The following MAPT variants were observed in gnomAD, a reference collection of about 807,000 sequenced individuals.
MAPT encodes the protein microtubule associated protein tau, also known as microtubule-associated protein tau.
MAPT carries 34 observed loss-of-function variants against 67.9 expected under a neutral mutation model. That is an observed-to-expected ratio of 0.50 (90% confidence interval 0.38 to 0.67). The LOEUF is 0.67. MAPT is among the 30% of genes least tolerant of loss of function. MAPT has a pLI of 0.00. For synonymous variants in MAPT, 456 were observed against 464.5 expected (o/e 0.98, Z 0.23); for missense variants, 881 against 1,115.2 (o/e 0.79, Z 2.99).
At position 45,983,033 on chromosome 17, in the gene MAPT, C is replaced by T; in HGVS notation, c.454C>T (p.Pro152Ser). ...TCCCGTCCCGCTGACCGCGAGCCTT[C>T]CTCAGCACCGTCCCGTTTGCCCAGC... ...EAPVPLTASL[P>S]QHRPVCPAPP... Residue 152 changes from proline to serine, a missense_variant, in exon 5 of 13, where the codon CCT becomes TCT. Physicochemically the swap from Pro to Ser is moderately conservative, Grantham distance 74. Coordinates refer to ENST00000262410, the MANE Select transcript of MAPT (RefSeq NM_001377265.1). The T allele has an allele frequency of 6.7e-7, 1 of 1,502,550 alleles. No individual in the cohort carries two copies. The highest frequency in any genetic ancestry group is 8.9e-7 in the Non-Finnish European group (1 of 1,122,598). 93.1% of individuals were successfully genotyped at this position (1,502,550 alleles called of 1,614,324 possible).
intron 4 of MAPT, 55 bp downstream of exon 4, chr17:45,978,495 G>A: frequency 7.6e-7 from 1 of 1,320,420 alleles, no homozygotes; most frequent in Non-Finnish European, 1.1e-6. Context: ...AGGGACATGG[G>A]GTGGGCTCTG....
chr17:46,016,897 G>C (rs1158937972), intron 11 of MAPT, among the ~76,000 whole-genome samples: 1 of 152,240 alleles, frequency 6.6e-6, no homozygotes, highest in East Asian at 1.9e-4. Flanking sequence ...AACATGGCTG[G>C]TACAGTTGAG....
chr17:45,960,315 G>A (rs1183119578), intron 1 of MAPT, among the ~76,000 whole-genome samples: 1 of 152,262 alleles, frequency 6.6e-6, no homozygotes, highest in African/African-American at 2.4e-5. Context: ...GAACAGCAGA[G>A]CCGTTTTAGG....
intron 6 of MAPT, among the ~76,000 whole-genome samples, chr17:45,987,385 A>C (rs1479875235): frequency 6.6e-6 from 1 of 152,212 alleles, no homozygotes; most frequent in Non-Finnish European, 1.5e-5. Flanking sequence ...GGTGTGTTTG[A>C]AAACCAAACC....
chr17:46,002,760 C>T (rs2075108933), intron 9 of MAPT, among the ~76,000 whole-genome samples: 1 of 152,126 alleles, frequency 6.6e-6, no homozygotes, highest in Non-Finnish European at 1.5e-5. Context: ...GCCTGGGTGG[C>T]TGCTTCCTTC....
rs1479163150 is a variant in MAPT, at chr17:46,026,073, C to CT, written c.*1903dup. 9 of 130,522 alleles carry CT rather than the reference C, an allele frequency of 6.9e-5. No homozygotes were observed. Among genetic ancestry groups the CT allele is most frequent in the African/African-American group, 2.5e-4 (9 of 36,152 alleles). The allele number at this position is 130,522 out of a possible 1,614,324, so 8.1% of individuals were successfully genotyped here. On this transcript the variant is annotated 3_prime_UTR_variant, in exon 13 of 13. Transcript: ENST00000262410. ...TTTATGCTTGGATTCACCAGAGTGACTATGATAGTGAAAAGAAAAAAAAAA... is the reference window on the plus strand; with the variant it reads ...TTTATGCTTGGATTCACCAGAGTGACTTATGATAGTGAAAAGAAAAAAAAAA...
In MAPT at chr17:46,019,263, G is replaced by A. The variant is rs546909243; in HGVS notation, c.2286+533G>A. ...CCTCATGAGATTTATTCACTATCAT[G>A]AGAACAGCATGGGAAAGACCCGCCC... On this transcript the variant is annotated intron_variant, in intron 12 of 12. Coordinates refer to ENST00000262410, the MANE Select transcript of MAPT (RefSeq NM_001377265.1). 1.2e-4 allele frequency among the ~76,000 whole-genome samples: 18 copies of A among 152,030 alleles called. No individual in the cohort carries two copies. In the East Asian group the frequency reaches 2.8e-3, roughly 23 times the overall value.
At chr17:46,005,014 G>A (rs1208454638) in intron 9 of MAPT, among the ~76,000 whole-genome samples, 1 of 152,138 alleles carries the variant, frequency 6.6e-6, no homozygotes, top group Non-Finnish European at 1.5e-5. Context: ...TCAATCTCCT[G>A]ACCTCGTCAT....
At position 45,996,704 on chromosome 17, in the gene MAPT, C is replaced by G. The variant is rs150660024; in HGVS notation, c.1998+40C>G. 140 of 1,608,130 alleles carry G rather than the reference C, an allele frequency of 8.7e-5. No homozygotes were observed. The African/African-American group carries it at 1.6e-3, about 19-fold the overall frequency. On this transcript the variant is annotated intron_variant, in intron 9 of 12. Coordinates refer to ENST00000262410, the MANE Select transcript of MAPT (RefSeq NM_001377265.1). The surrounding 1 kb of genome is among the most constrained non-coding windows in gnomAD (Gnocchi z 4.5). ...CTGCGCGTGGAGGTGTGGGGGGCTG[C>G]GCCTGGAGGGGTAGGGCTGTGCCTG... is the stretch of plus-strand genomic sequence containing the variant.
chr17:45,925,874 G>T (rs2066240654), intron 1 of MAPT, among the ~76,000 whole-genome samples: 1 of 152,100 alleles, frequency 6.6e-6, no homozygotes, highest in South Asian at 2.1e-4. Context: ...TGCATATGTT[G>T]TTTTTAAAAT....
chr17:45,956,940 T>C (rs1417530471), intron 1 of MAPT, among the ~76,000 whole-genome samples: 1 of 152,008 alleles, frequency 6.6e-6, no homozygotes, highest in Non-Finnish European at 1.5e-5. Context: ...TCATTTTTTA[T>C]GGCTGCATAG....
rs1024916928 is a variant in MAPT, at chr17:45,982,803, C to T, written c.287-63C>T. 3 of 900,336 alleles carry T rather than the reference C, an allele frequency of 3.3e-6. No homozygotes were observed. The African/African-American group carries it at 5.2e-5, about 16-fold the overall frequency. The allele number at this position is 900,336 out of a possible 1,614,324, so 55.8% of individuals were successfully genotyped here. ...GTGTCATTTTGTCCAGGATGATGCT[C>T]CCTCTCTTAAGCGATTAATGCGCCC... On this transcript the variant is annotated intron_variant, in intron 4 of 12. Transcript: ENST00000262410.
intron 9 of MAPT, among the ~76,000 whole-genome samples, chr17:45,997,946 C>G (rs765033993): frequency 6.6e-6 from 1 of 152,122 alleles, no homozygotes; most frequent in Non-Finnish European, 1.5e-5. Context: ...CAATTCAGCC[C>G]AGGACCCCGC....
At chr17:46,003,638 T>TAGAA (rs2075200762) in intron 9 of MAPT, among the ~76,000 whole-genome samples, 1 of 152,180 alleles carries the variant, frequency 6.6e-6, no homozygotes, top group Admixed American at 6.5e-5. Flanking sequence ...AGCATCTATG[T>TAGAA]AGAACATTTA....
chr17:45,925,778 ACATATT>A (rs2066226813), intron 1 of MAPT, among the ~76,000 whole-genome samples: 1 of 152,210 alleles, frequency 6.6e-6, no homozygotes, highest in Admixed American at 6.5e-5. Context: ...AAATGTACAA[ACATATT>A]CATAGTGATG....
rs140956014 is a variant in MAPT at position 45,974,573 on chromosome 17, TG to T, written c.220+2632del. On this transcript the variant is annotated intron_variant, in intron 3 of 12. Coordinates refer to ENST00000262410, the MANE Select transcript of MAPT (RefSeq NM_001377265.1). ...GGAGCTTTGCGTGTTTATCCTCCTG[TG>T]GGGCAGGAACATGGGTGGATTCTGG... 1,448 of 921,230 alleles carry T rather than the reference TG, an allele frequency of 1.6e-3. 12 individuals carry two copies. In the African/African-American group the frequency reaches 0.021, roughly 13 times the overall value. The allele number at this position is 921,230 out of a possible 1,614,324, so 57.1% of individuals were successfully genotyped here.
chr17:45,999,963 A>G (rs2074858763), intron 9 of MAPT, among the ~76,000 whole-genome samples: 1 of 152,214 alleles, frequency 6.6e-6, no homozygotes, highest in Non-Finnish European at 1.5e-5. Context: ...AGCCTTTAAA[A>G]TGACCCGCTG....
chr17:45,970,051 T>C (rs1199222312), intron 2 of MAPT, among the ~76,000 whole-genome samples: 1 of 146,702 alleles, frequency 6.8e-6, no homozygotes, highest in Non-Finnish European at 1.5e-5. Context: ...TATCCACCCA[T>C]CCATCCATCC....
intron 1 of MAPT, among the ~76,000 whole-genome samples, chr17:45,899,144 T>C (rs1408719895): frequency 6.6e-6 from 1 of 152,196 alleles, no homozygotes; most frequent in Non-Finnish European, 1.5e-5. Context: ...CTCAGCTGTT[T>C]TCCTGTAAAA....
Sources: allele counts gnomAD v4.1 joint callset (sites outside exome capture counted in the v4.1 genomes callset), GRCh38; gene constraint gnomAD v4.1.1; non-coding constraint Gnocchi (gnomAD v3.1); transcripts MANE v1.5; gene names NCBI Gene and HGNC (gene_info 2026-07-23, HGNC 2026-07-21).